Variants in TAFA5 observed in about 807,000 individuals in gnomAD.
TAFA5 encodes TAFA chemokine like family member 5, also known as chemokine-like protein TAFA-5.
Under a neutral mutation model 15.3 loss-of-function variants are expected in TAFA5, and 6 were observed. The observed-to-expected ratio is 0.39, with a 90% CI of 0.21 to 0.77. The LOEUF is 0.77. TAFA5 is among the 30% of genes least tolerant of loss of function. The pLI, the probability that TAFA5 is intolerant of heterozygous loss-of-function variation, is 0.41. For missense variants in TAFA5, 161 were observed against 193.1 expected (o/e 0.83, Z 0.98); for synonymous variants, 103 against 80.7 (o/e 1.28, Z -1.48).
intron 1 of TAFA5, among the ~76,000 whole-genome samples, chr22:48,529,163 T>TTGAGGGTGTCCAGGCAGGAGA (rs561184063): frequency 0.097 from 13,225 of 135,716 alleles, 1,260 homozygotes; most frequent in Middle Eastern, 0.13. Context: ...GTGGAGGCTG[T>TTGAGGGTGTCCAGGCAGGAGA]TGAGGGTGTC....
chr22:48,617,837 C>T (rs923396667), intron 1 of TAFA5, among the ~76,000 whole-genome samples: 13 of 72,096 alleles, frequency 1.8e-4, no homozygotes, highest in African/African-American at 8.7e-4. Flanking sequence ...CTGTACCACC[C>T]CCTGCCTGGA....
intron 1 of TAFA5, among the ~76,000 whole-genome samples, chr22:48,619,200 C>T (rs749926300): frequency 3.9e-5 from 6 of 152,134 alleles, no homozygotes; most frequent in South Asian, 2.1e-4. Flanking sequence ...GGTCAGTGGC[C>T]GGGCTGTACA....
At chr22:48,679,007 C>G (rs1279171561) in intron 2 of TAFA5, among the ~76,000 whole-genome samples, 4 of 99,834 alleles carry the variant, frequency 4.0e-5, no homozygotes, top group African/African-American at 1.6e-4. Context: ...CCGTCCATCC[C>G]TCTCCCGGCT....
chr22:48,555,678 G>A (rs989835175), intron 1 of TAFA5, among the ~76,000 whole-genome samples: 5 of 152,192 alleles, frequency 3.3e-5, no homozygotes, highest in Non-Finnish European at 7.4e-5. Context: ...CCTGCAGCCA[G>A]GTGACCCCGT....
At chr22:48,739,269 T>C (rs1930114125) in intron 3 of TAFA5, among the ~76,000 whole-genome samples, 1 of 152,216 alleles carries the variant, frequency 6.6e-6, no homozygotes, top group Non-Finnish European at 1.5e-5. Context: ...AAATATTTTT[T>C]TTTCCCAGAG....
chr22:48,674,625 C>A (rs1479307144), intron 2 of TAFA5, among the ~76,000 whole-genome samples: 2 of 152,274 alleles, frequency 1.3e-5, no homozygotes, highest in African/African-American at 4.8e-5. Context: ...GCCCTAGTGA[C>A]TGCCTGTCCC....
At chr22:48,535,668 G>A (rs989395667) in intron 1 of TAFA5, among the ~76,000 whole-genome samples, 7 of 150,984 alleles carry the variant, frequency 4.6e-5, no homozygotes, top group Admixed American at 3.9e-4. Flanking sequence ...CACACAGGCT[G>A]TGTGAGTATA....
chr22:48,715,863 G>A (rs1299082471), intron 3 of TAFA5, among the ~76,000 whole-genome samples: 4 of 152,262 alleles, frequency 2.6e-5, no homozygotes, highest in African/African-American at 9.6e-5. Context: ...CATTAAAGGA[G>A]TGTCGAGAAG....
chr22:48,619,947 G>A lies in TAFA5; in HGVS notation c.113-26650G>A, dbSNP rs189720137. ...TGCTGAGTCCCGCGGGCCTGGGGGC[G>A]TCGGCCCTCCTCCCTGGCTGTGACA... On this transcript the variant is annotated intron_variant, in intron 1 of 3. Coordinates refer to ENST00000402357, the MANE Select transcript of TAFA5 (RefSeq NM_001082967.3). Among the ~76,000 whole-genome samples, 21 of 152,332 alleles carry A rather than the reference G, an allele frequency of 1.4e-4. No individual in the cohort carries two copies. In the East Asian group the frequency reaches 3.1e-3, roughly 22 times the overall value.
At chr22:48,748,875 C>T (rs1569104619) in intron 3 of TAFA5, among the ~76,000 whole-genome samples, 1 of 152,144 alleles carries the variant, frequency 6.6e-6, no homozygotes, top group Non-Finnish European at 1.5e-5. Context: ...TGGAGGTGCC[C>T]GCCCAGGAGA....
chr22:48,511,952 T>TCA (rs1487837687), intron 1 of TAFA5, among the ~76,000 whole-genome samples: 1 of 152,230 alleles, frequency 6.6e-6, no homozygotes, highest in African/African-American at 2.4e-5. Flanking sequence ...CACTCACTCC[T>TCA]CACCATTGCT....
chr22:48,619,190 G>T (rs917565275), intron 1 of TAFA5, among the ~76,000 whole-genome samples: 1 of 152,192 alleles, frequency 6.6e-6, no homozygotes, highest in African/African-American at 2.4e-5. Context: ...CTCTGCCCAT[G>T]GTCAGTGGCC....
intron 1 of TAFA5, among the ~76,000 whole-genome samples, chr22:48,639,688 G>A (rs1017675983): frequency 6.6e-6 from 1 of 152,186 alleles, no homozygotes; most frequent in Non-Finnish European, 1.5e-5. Flanking sequence ...GCACCTGGAA[G>A]AAGGGGGTAC....
chr22:48,526,130 A>C (rs1430133208), intron 1 of TAFA5, among the ~76,000 whole-genome samples: 1 of 152,228 alleles, frequency 6.6e-6, no homozygotes, highest in Non-Finnish European at 1.5e-5. Context: ...TAAGGGGTGC[A>C]TGCCCATGGC....
intron 2 of TAFA5, among the ~76,000 whole-genome samples, chr22:48,657,333 GAAAC>G (rs1960380128): frequency 6.6e-6 from 1 of 152,162 alleles, no homozygotes; most frequent in South Asian, 2.1e-4. Flanking sequence ...AACTCTAGAG[GAAAC>G]AAACAGTTTG....
chr22:48,533,555 CCCA>C (rs1601560327), intron 1 of TAFA5, among the ~76,000 whole-genome samples: 2 of 152,290 alleles, frequency 1.3e-5, no homozygotes, highest in East Asian at 3.9e-4. Context: ...AAAGCTGGAT[CCCA>C]CCACATTCTG....
chr22:48,695,722 G>C (rs1928689357), intron 2 of TAFA5, among the ~76,000 whole-genome samples: 1 of 152,198 alleles, frequency 6.6e-6, no homozygotes, highest in Non-Finnish European at 1.5e-5. Flanking sequence ...CACCTGGCCA[G>C]GGTGTGGGCA....
chr22:48,536,697 C>G (rs1922178195), intron 1 of TAFA5, among the ~76,000 whole-genome samples: 1 of 152,190 alleles, frequency 6.6e-6, no homozygotes, highest in Admixed American at 6.5e-5. Context: ...CTCCCTGTGC[C>G]CTGTGCTGCG....
intron 1 of TAFA5, among the ~76,000 whole-genome samples, chr22:48,508,664 T>C (rs772818645): frequency 6.6e-6 from 1 of 152,188 alleles, no homozygotes; most frequent in Non-Finnish European, 1.5e-5. Flanking sequence ...ACAGCTGATA[T>C]TTTTCTCTTT....
Sources: allele counts gnomAD v4.1 joint callset (sites outside exome capture counted in the v4.1 genomes callset), GRCh38; gene constraint gnomAD v4.1.1; transcripts MANE v1.5; gene names NCBI Gene and HGNC (gene_info 2026-07-23, HGNC 2026-07-21).